The following AKR1D1 variants were observed in gnomAD, a reference collection of about 807,000 sequenced individuals.
AKR1D1 encodes aldo-keto reductase family 1 member D1.
Under a neutral mutation model 42.6 loss-of-function variants are expected in AKR1D1, and 32 were observed. That is an observed-to-expected ratio of 0.75 (90% CI 0.57 to 1.01). The LOEUF (loss-of-function observed/expected upper bound fraction) is 1.01, where lower values mean the gene tolerates loss of function less well. AKR1D1 is among the 50% of genes least tolerant of loss of function. The pLI is 0.00. For missense variants in AKR1D1, 364 were observed against 402.2 expected (o/e 0.91, Z 0.81); for synonymous variants, 123 against 135.5 (o/e 0.91, Z 0.64).
chr7:138,106,478 G>A (rs926840168), intron 5 of AKR1D1, 130 bp from the exon 6 acceptor site: 14 of 734,418 alleles, frequency 1.9e-5, no homozygotes, highest in African/African-American at 3.5e-5. Flanking sequence ...ACTAGGACAC[G>A]AAATGTATAT....
chr7:138,104,127 G>A (rs1349700317), intron 4 of AKR1D1, among the ~76,000 whole-genome samples: 1 of 151,986 alleles, frequency 6.6e-6, no homozygotes, highest in Admixed American at 6.6e-5. Context: ...GACAGAGCAA[G>A]ATACTGTTTC....
Position 138,107,404 on chromosome 7 carries a change from A to G in AKR1D1, c.690-11A>G, listed in dbSNP as rs771149162. On this transcript the variant is annotated splice_polypyrimidine_tract_variant and intron_variant, in intron 6 of 8. Transcript: ENST00000242375. ...CAAACTAATTATGATGCATGTTTTG[A>G]TATTTTTAAGGGTGAATGTTTCTTC... 2 of 1,613,586 alleles carry G rather than the reference A, an allele frequency of 1.2e-6. No individual in the cohort carries two copies. Among genetic ancestry groups the G allele is most frequent in the South Asian group, 1.1e-5 (1 of 91,078 alleles).
chr7:138,101,771 G>T (rs1218521956), intron 4 of AKR1D1, among the ~76,000 whole-genome samples: 2 of 152,226 alleles, frequency 1.3e-5, no homozygotes, highest in Admixed American at 6.5e-5. Context: ...ATTACTGAAA[G>T]AAATAAAAGA....
intron 1 of AKR1D1, among the ~76,000 whole-genome samples, chr7:138,078,652 C>A (rs1024018425): frequency 1.3e-5 from 2 of 152,214 alleles, no homozygotes; most frequent in South Asian, 4.1e-4. Context: ...ATCTCTCCCC[C>A]ATGTAAGTCC....
At chr7:138,087,986 G>C (rs1411197227) in intron 1 of AKR1D1, among the ~76,000 whole-genome samples, 1 of 151,412 alleles carries the variant, frequency 6.6e-6, no homozygotes, top group Non-Finnish European at 1.5e-5. Flanking sequence ...CAACTCCCAG[G>C]CTCAAGCAAT....
At chr7:138,082,430 C>T (rs1275442906) in intron 1 of AKR1D1, among the ~76,000 whole-genome samples, 1 of 151,930 alleles carries the variant, frequency 6.6e-6, no homozygotes, top group Admixed American at 6.6e-5. Flanking sequence ...TGCAGTGGTG[C>T]AATCGTAGCT....
At chr7:138,081,112 A>G (rs984221696) in intron 1 of AKR1D1, among the ~76,000 whole-genome samples, 1 of 152,170 alleles carries the variant, frequency 6.6e-6, no homozygotes, top group African/African-American at 2.4e-5. Flanking sequence ...CTTACATAGT[A>G]TATCTACTAT....
At chr7:138,103,112 C>T (rs765531919) in intron 4 of AKR1D1, among the ~76,000 whole-genome samples, 4 of 151,518 alleles carry the variant, frequency 2.6e-5, no homozygotes, top group Non-Finnish European at 5.9e-5. Flanking sequence ...AAAAATAATG[C>T]ATGATAAAAA....
intron 7 of AKR1D1, among the ~76,000 whole-genome samples, chr7:138,107,800 T>A (rs1794463281): frequency 6.6e-6 from 1 of 152,160 alleles, no homozygotes; most frequent in Non-Finnish European, 1.5e-5. Flanking sequence ...ACTATCCAGA[T>A]CTCTTATATT....
intron 7 of AKR1D1, among the ~76,000 whole-genome samples, chr7:138,107,943 C>A (rs1357402234): frequency 1.3e-5 from 2 of 152,126 alleles, no homozygotes; most frequent in Non-Finnish European, 2.9e-5. Context: ...CTTGACCTCC[C>A]AAAGTTCTGG....
intron 1 of AKR1D1, among the ~76,000 whole-genome samples, chr7:138,085,760 C>T (rs988594189): frequency 2.6e-5 from 4 of 151,988 alleles, no homozygotes; most frequent in African/African-American, 9.7e-5. Flanking sequence ...CTTTCTTTAT[C>T]CTAAATGCTC....
Position 138,117,389 on chromosome 7 carries a change from T to A in AKR1D1, c.*727T>A, listed in dbSNP as rs1296158158. The A allele has an allele frequency of 6.6e-6, 1 of 152,594 alleles. No homozygotes were observed. The highest frequency in any genetic ancestry group is 2.4e-5 in the African/African-American group (1 of 41,438). 9.5% of individuals were successfully genotyped at this position (152,594 alleles called of 1,614,324 possible). On this transcript the variant is annotated 3_prime_UTR_variant, in exon 9 of 9. Transcript: ENST00000242375. ...CATCTTACTGTCAATCTTGCCTACA[T>A]TGATTATAGAACCACTATTACGTGA...
intron 7 of AKR1D1, among the ~76,000 whole-genome samples, chr7:138,110,309 A>G (rs1794513784): frequency 6.6e-6 from 1 of 152,202 alleles, no homozygotes; most frequent in Non-Finnish European, 1.5e-5. Context: ...TATGTAGTAA[A>G]AAGTTAAGAC....
At chr7:138,078,710 G>A (rs1257166039) in intron 1 of AKR1D1, among the ~76,000 whole-genome samples, 2 of 152,224 alleles carry the variant, frequency 1.3e-5, no homozygotes, top group Admixed American at 1.3e-4. Flanking sequence ...TGATGAGGAA[G>A]TCTAATTATG....
intron 5 of AKR1D1, among the ~76,000 whole-genome samples, chr7:138,105,995 G>A (rs1585738422): frequency 6.6e-6 from 1 of 152,016 alleles, no homozygotes; most frequent in East Asian, 1.9e-4. Context: ...AGAAATTCAC[G>A]AAAGACAAAT....
chr7:138,086,434 G>T (rs1585722421), intron 1 of AKR1D1, among the ~76,000 whole-genome samples: 1 of 152,060 alleles, frequency 6.6e-6, no homozygotes, highest in Non-Finnish European at 1.5e-5. Context: ...TATTTCTAAT[G>T]TTGCTGAAAT....
At chr7:138,105,880 G>A (rs1325211012) in intron 5 of AKR1D1, among the ~76,000 whole-genome samples, 2 of 150,584 alleles carry the variant, frequency 1.3e-5, no homozygotes, top group Non-Finnish European at 2.9e-5. Context: ...GTGTGACTTC[G>A]TCTAACAACA....
rs1404739012 is a variant in AKR1D1, at chr7:138,107,460, C to T, written c.735C>T (p.Asn245=). ...CTTTGTTAAAGGATGCACTTCTAAA[C>T]TCATTGGGGAAAAGGTACAATAAGA... The part of the protein sequence containing the change: ...SPPLLKDALL[N]SLGKRYNKTA... The change falls in exon 7 of 9, where the codon AAC becomes AAT. Residue 245 remains asparagine, a synonymous_variant. Transcript: ENST00000242375. 6.2e-7 allele frequency: 1 copy of T among 1,614,086 alleles called. No individual in the cohort carries two copies. Among genetic ancestry groups the T allele is most frequent in the South Asian group, 1.1e-5 (1 of 91,084 alleles).
chr7:138,092,056 T>C (rs773369654), intron 3 of AKR1D1, among the ~76,000 whole-genome samples, 172 bp downstream of exon 3: 47 of 152,272 alleles, frequency 3.1e-4, no homozygotes, highest in Non-Finnish European at 5.9e-4. Context: ...GCTATGTGCA[T>C]GAAGCTAGCG....
Sources: gnomAD v4.1 joint callset for allele counts (sites outside exome capture counted in the v4.1 genomes callset) on GRCh38, gnomAD v4.1.1 for gene constraint, MANE v1.5 for transcripts, NCBI Gene and HGNC (gene_info 2026-07-23, HGNC 2026-07-21) for gene names.